Variants in TMOD3 observed in about 807,000 individuals in gnomAD.
TMOD3 encodes the protein tropomodulin 3.
TMOD3 carries 20 observed loss-of-function variants against 39.2 expected under a neutral mutation model. The ratio of observed to expected loss-of-function variants is 0.51; its 90% CI spans 0.36 to 0.74. The LOEUF (loss-of-function observed/expected upper bound fraction) is 0.74, where lower values mean the gene tolerates loss of function less well. TMOD3 is among the 30% of genes least tolerant of loss of function. The pLI is 0.00. For synonymous variants in TMOD3, 143 were observed against 145.8 expected (o/e 0.98, Z 0.14); for missense variants, 381 against 412.8 (o/e 0.92, Z 0.67).
At chr15:51,839,605 G>A (rs1299039714) in intron 1 of TMOD3, among the ~76,000 whole-genome samples, 1 of 151,852 alleles carries the variant, frequency 6.6e-6, no homozygotes, top group African/African-American at 2.4e-5. Flanking sequence ...CTGGCGTGCA[G>A]GTGTGATCAT....
chr15:51,870,567 G>A (rs2056470034), intron 3 of TMOD3, among the ~76,000 whole-genome samples: 1 of 152,170 alleles, frequency 6.6e-6, no homozygotes, highest in Admixed American at 6.5e-5. Context: ...AGCTGCAAGG[G>A]AAGCAAGAAA....
chr15:51,913,230 C>T lies in TMOD3; in HGVS notation c.*4420C>T, dbSNP rs2056719895. 1 of 152,284 alleles carries T rather than the reference C, an allele frequency of 6.6e-6. No homozygotes were observed. The highest frequency in any genetic ancestry group is 2.4e-5 in the African/African-American group (1 of 41,462). 9.4% of individuals were successfully genotyped at this position (152,284 alleles called of 1,614,324 possible). On this transcript the variant is annotated 3_prime_UTR_variant, in exon 10 of 10. Coordinates refer to ENST00000308580, the MANE Select transcript of TMOD3 (RefSeq NM_014547.5). Reference sequence around the variant, plus strand: ...CAGGTGATCCACTCGCCTCGGCCTCCCAAAGTGCTGGGATTACAGGCTTGA... The same window carrying T: ...CAGGTGATCCACTCGCCTCGGCCTCTCAAAGTGCTGGGATTACAGGCTTGA...
intron 6 of TMOD3, among the ~76,000 whole-genome samples, chr15:51,896,146 AG>A (rs1220487364): frequency 6.6e-6 from 1 of 152,158 alleles, no homozygotes; most frequent in East Asian, 1.9e-4. Context: ...ATGAAAGGTG[AG>A]AATAATGAGA....
chr15:51,836,402 A>G (rs1252624160), intron 1 of TMOD3, among the ~76,000 whole-genome samples: 2 of 152,146 alleles, frequency 1.3e-5, no homozygotes, highest in Non-Finnish European at 2.9e-5. Flanking sequence ...GAATCATATA[A>G]TATGTCATAT....
intron 1 of TMOD3, among the ~76,000 whole-genome samples, chr15:51,841,821 G>C (rs543252212): frequency 4.6e-5 from 7 of 152,146 alleles, no homozygotes; most frequent in Non-Finnish European, 8.8e-5. Context: ...ACAGGCTGGA[G>C]TGCGGTGGCA....
intron 3 of TMOD3, among the ~76,000 whole-genome samples, chr15:51,874,412 G>T (rs1317435816): frequency 6.6e-6 from 1 of 152,154 alleles, no homozygotes; most frequent in East Asian, 1.9e-4. Flanking sequence ...TCCTATACTG[G>T]TGAATATTTT....
chr15:51,866,027 A>G (rs1434806471), intron 2 of TMOD3, among the ~76,000 whole-genome samples: 1 of 152,220 alleles, frequency 6.6e-6, no homozygotes, highest in Non-Finnish European at 1.5e-5. Context: ...TTTAGTGACA[A>G]TCATATTAAA....
chr15:51,889,254 GA>G (rs1391475790), intron 5 of TMOD3, 109 bp downstream of exon 5: 1 of 666,664 alleles, frequency 1.5e-6, no homozygotes, highest in Non-Finnish European at 2.6e-6. Context: ...ATATGTACTT[GA>G]AACCTGACAT....
chr15:51,889,988 T>C (rs1452143240), intron 5 of TMOD3, among the ~76,000 whole-genome samples: 1 of 152,194 alleles, frequency 6.6e-6, no homozygotes, highest in Non-Finnish European at 1.5e-5. Context: ...CCAGCCATCA[T>C]GCCCTCTACT....
chr15:51,836,030 A>T (rs992755064), intron 1 of TMOD3, among the ~76,000 whole-genome samples: 2 of 152,220 alleles, frequency 1.3e-5, no homozygotes, highest in Non-Finnish European at 1.5e-5. Context: ...ATAGAAGCAG[A>T]AAAAAGCTAA....
intron 1 of TMOD3, among the ~76,000 whole-genome samples, chr15:51,830,063 G>A (rs1245266554): frequency 1.3e-5 from 2 of 152,124 alleles, no homozygotes; most frequent in Non-Finnish European, 2.9e-5. Flanking sequence ...GCCGGTCTAG[G>A]CGCGCGAACC....
chr15:51,860,918 A>G (rs2056414589), intron 1 of TMOD3: 6 of 433,456 alleles, frequency 1.4e-5, no homozygotes, highest in Non-Finnish European at 2.3e-5. Context: ...CCTAGGCGAC[A>G]GAGCAAGACT....
At chr15:51,850,649 A>G (rs1377080697) in intron 1 of TMOD3, among the ~76,000 whole-genome samples, 1 of 152,184 alleles carries the variant, frequency 6.6e-6, no homozygotes, top group Non-Finnish European at 1.5e-5. Context: ...ATACATTTTA[A>G]ATGTAGCCAG....
In TMOD3 at chr15:51,869,204, TTC is replaced by T; in HGVS notation, c.127-7_127-6del. 6.2e-7 allele frequency: 1 copy of T among 1,610,746 alleles called. No individual in the cohort carries two copies. Among genetic ancestry groups the T allele is most frequent in the South Asian group, 1.1e-5 (1 of 90,328 alleles). On this transcript the variant is annotated splice_polypyrimidine_tract_variant and intron_variant, in intron 2 of 9. Transcript: ENST00000308580. ...CTTATTGGTCATATTGGCTGATTCA[TTC>T]TCTCTGGCAGAATGCCCTTCTGCCT...
At chr15:51,833,986 G>A (rs957252646) in intron 1 of TMOD3, among the ~76,000 whole-genome samples, 2 of 152,152 alleles carry the variant, frequency 1.3e-5, no homozygotes, top group African/African-American at 4.8e-5. Flanking sequence ...ACTACAGGAT[G>A]TATGGTTGTA....
rs774902238 is a variant in TMOD3, at chr15:51,900,285, A to G, written c.866A>G (p.Lys289Arg). ...GATAATGAAACCCTGGCAGAGCTCA[A>G]GATTGACAATCAGGTCAATGTTCTA... ...LRDNETLAEL[K>R]IDNQRQQLGT... The change falls in exon 8 of 10, where the codon AAG becomes AGG. Residue 289 changes from lysine (K) to arginine (R), a missense_variant. Lys to Arg is a conservative substitution (Grantham distance 26). Coordinates refer to ENST00000308580, the MANE Select transcript of TMOD3 (RefSeq NM_014547.5). 1 of 1,614,184 alleles carries G rather than the reference A, an allele frequency of 6.2e-7. No individual in the cohort carries two copies. Among genetic ancestry groups the G allele is most frequent in the Non-Finnish European group, 8.5e-7 (1 of 1,180,034 alleles).
intron 2 of TMOD3, among the ~76,000 whole-genome samples, chr15:51,868,722 A>G (rs941182360): frequency 1.3e-5 from 2 of 152,226 alleles, no homozygotes; most frequent in Non-Finnish European, 2.9e-5. Context: ...CTGTAATCCC[A>G]ACACTTTGGG....
chr15:51,905,299 A>G (rs2056672715), intron 9 of TMOD3, among the ~76,000 whole-genome samples: 1 of 152,178 alleles, frequency 6.6e-6, no homozygotes, highest in Admixed American at 6.5e-5. Context: ...GGAGTTTGAG[A>G]CCAGCCTGGC....
chr15:51,863,636 T>C (rs1403925921), intron 2 of TMOD3, among the ~76,000 whole-genome samples: 2 of 152,178 alleles, frequency 1.3e-5, no homozygotes, highest in Admixed American at 1.3e-4. Context: ...TTCCCTGATA[T>C]GTTGGAGGAC....
Sources: allele counts gnomAD v4.1 joint callset (sites outside exome capture counted in the v4.1 genomes callset), GRCh38; gene constraint gnomAD v4.1.1; transcripts MANE v1.5; gene names NCBI Gene and HGNC (gene_info 2026-07-23, HGNC 2026-07-21).